The following BBX variants were observed in gnomAD, a reference collection of about 807,000 sequenced individuals.
BBX encodes the protein HMG box transcription factor BBX.
Under a neutral mutation model 100.2 loss-of-function variants are expected in BBX, and 30 were observed. That is an observed-to-expected ratio of 0.30 (90% CI 0.22 to 0.41). The LOEUF is 0.41. Among genes scored for constraint, BBX ranks in the 10% least tolerant of loss-of-function variants. The pLI, the probability that BBX is intolerant of heterozygous loss-of-function variation, is 1.00. For missense variants in BBX, 1,023 were observed against 1,129.8 expected (o/e 0.91, Z 1.35); for synonymous variants, 376 against 388.1 (o/e 0.97, Z 0.37).
chr3:107,595,735 T>C (rs1291810288), intron 2 of BBX, among the ~76,000 whole-genome samples: 1 of 152,180 alleles, frequency 6.6e-6, no homozygotes, highest in Non-Finnish European at 1.5e-5. Context: ...CTATCAGTGA[T>C]CCAGAATGCA....
chr3:107,528,511 A>T (rs1256335602), intron 2 of BBX, among the ~76,000 whole-genome samples: 3 of 152,154 alleles, frequency 2.0e-5, no homozygotes, highest in Non-Finnish European at 2.9e-5. Context: ...CTTCGTATCC[A>T]TTTTTTTGTT....
At chr3:107,595,592 C>T (rs560216033) in intron 2 of BBX, among the ~76,000 whole-genome samples, 4 of 152,166 alleles carry the variant, frequency 2.6e-5, no homozygotes, top group African/African-American at 7.2e-5. Context: ...GATTTGACAC[C>T]GAAATGAATG....
chr3:107,644,387 T>G (rs1296543785), intron 2 of BBX, among the ~76,000 whole-genome samples: 1 of 152,178 alleles, frequency 6.6e-6, no homozygotes, highest in Non-Finnish European at 1.5e-5. Context: ...TATACCAGTT[T>G]ATTTACTTGA....
chr3:107,598,071 T>C (rs2053790517), intron 2 of BBX, among the ~76,000 whole-genome samples: 1 of 152,218 alleles, frequency 6.6e-6, no homozygotes. Context: ...TTACTACCTG[T>C]GTGCCTGCAT....
intron 3 of BBX, among the ~76,000 whole-genome samples, chr3:107,705,691 A>G (rs1420113973): frequency 1.3e-5 from 2 of 152,178 alleles, no homozygotes; most frequent in African/African-American, 2.4e-5. Flanking sequence ...TCCCAGTCTA[A>G]AAAGCTTGTT....
intron 5 of BBX, among the ~76,000 whole-genome samples, chr3:107,726,137 CAG>C (rs972931081): frequency 6.6e-6 from 1 of 151,992 alleles, no homozygotes; most frequent in African/African-American, 2.4e-5. Context: ...GAGGAGTATA[CAG>C]AGTCTTCCCC....
intron 3 of BBX, among the ~76,000 whole-genome samples, chr3:107,658,714 CTTTG>C (rs1368728992): frequency 2.6e-5 from 4 of 151,662 alleles, no homozygotes; most frequent in Non-Finnish European, 4.4e-5. Context: ...GTGCTAATTT[CTTTG>C]TTTGTGTGTG....
chr3:107,721,296 T>C (rs1231344082), intron 5 of BBX, among the ~76,000 whole-genome samples: 1 of 152,098 alleles, frequency 6.6e-6, no homozygotes, highest in Non-Finnish European at 1.5e-5. Context: ...GTTTTGTCTA[T>C]ATAGTAATTC....
chr3:107,610,290 T>G (rs2054745694), intron 2 of BBX, among the ~76,000 whole-genome samples: 1 of 152,062 alleles, frequency 6.6e-6, no homozygotes, highest in Non-Finnish European at 1.5e-5. Context: ...GGTTTATTTT[T>G]TAGAATGATC....
intron 2 of BBX, among the ~76,000 whole-genome samples, chr3:107,550,780 AGAT>A (rs1478732365): frequency 1.3e-5 from 2 of 152,204 alleles, no homozygotes; most frequent in Non-Finnish European, 2.9e-5. Context: ...CAGGAGCCTC[AGAT>A]GAGGAGACTA....
chr3:107,765,811 T>A (rs568926292), intron 10 of BBX, among the ~76,000 whole-genome samples: 1 of 152,282 alleles, frequency 6.6e-6, no homozygotes, highest in South Asian at 2.1e-4. Context: ...TTTGCTTACA[T>A]CCAAGAGTGA....
chr3:107,678,405 G>C (rs1004339576), intron 3 of BBX, among the ~76,000 whole-genome samples: 1 of 151,846 alleles, frequency 6.6e-6, no homozygotes, highest in African/African-American at 2.4e-5. Flanking sequence ...ACTTTTTTTG[G>C]TTACATGAGT....
Position 107,733,031 on chromosome 3 carries a change from A to C in BBX, c.669+8A>C. The C allele has an allele frequency of 1.2e-6, 2 of 1,611,682 alleles. No homozygotes were observed. Among genetic ancestry groups the C allele is most frequent in the South Asian group, 2.2e-5 (2 of 90,708 alleles). Reference sequence around the variant, plus strand: ...GCTCTTGGCACACCAGAGGTAAGCCAGTCCTTTTCCGTCTCCACTCTGCTC... The same window carrying C: ...GCTCTTGGCACACCAGAGGTAAGCCCGTCCTTTTCCGTCTCCACTCTGCTC... On this transcript the variant is annotated splice_region_variant and intron_variant, in intron 7 of 17. Transcript: ENST00000325805.
chr3:107,672,485 G>A (rs1195454765), intron 3 of BBX, among the ~76,000 whole-genome samples: 1 of 152,008 alleles, frequency 6.6e-6, no homozygotes, highest in East Asian at 1.9e-4. Flanking sequence ...TAGAAAGTGT[G>A]TATTTTTGAA....
At chr3:107,684,128 G>A (rs1159926432) in intron 3 of BBX, among the ~76,000 whole-genome samples, 1 of 152,126 alleles carries the variant, frequency 6.6e-6, no homozygotes, top group South Asian at 2.1e-4. Context: ...ATTCCCTTCA[G>A]CAATACCTAT....
intron 2 of BBX, among the ~76,000 whole-genome samples, chr3:107,636,747 T>C (rs1196704971): frequency 1.3e-4 from 20 of 152,200 alleles, no homozygotes; most frequent in Non-Finnish European, 1.5e-5. Flanking sequence ...TATTTTGAAT[T>C]GGCTTAATCT....
At position 107,808,489 on chromosome 3, in the gene BBX, T is replaced by G. The variant is rs189862821; in HGVS notation, c.*3032T>G. 20 of 152,340 alleles carry G rather than the reference T, an allele frequency of 1.3e-4. No homozygotes were observed. The highest frequency in any genetic ancestry group is 4.3e-4 in the African/African-American group (18 of 41,594). The allele number at this position is 152,340 out of a possible 1,614,324, so 9.4% of individuals were successfully genotyped here. A position where few individuals can be genotyped will look rare whatever the true frequency, so the allele number is the denominator to read the frequency against. ...GTCTCAGATGGAGACGCAGTACTGT[T>G]CCAGTTTTCTTTAGCCTTTTATTTA... On this transcript the variant is annotated 3_prime_UTR_variant, in exon 18 of 18. Transcript: ENST00000325805.
intron 3 of BBX, among the ~76,000 whole-genome samples, chr3:107,704,802 CAAAACACTATGATA>C (rs1328567038): frequency 5.3e-5 from 8 of 152,052 alleles, no homozygotes; most frequent in African/African-American, 1.7e-4. Context: ...GGGGAGTTGT[CAAAACACTATGATA>C]AGTGCTTGAC....
chr3:107,627,922 T>G (rs2056301620), intron 2 of BBX, among the ~76,000 whole-genome samples: 1 of 152,024 alleles, frequency 6.6e-6, no homozygotes, highest in Admixed American at 6.5e-5. Context: ...TTCAATGAGT[T>G]TTTTTCTCAC....
Sources: allele counts gnomAD v4.1 joint callset (sites outside exome capture counted in the v4.1 genomes callset), GRCh38; gene constraint gnomAD v4.1.1; transcripts MANE v1.5; gene names NCBI Gene and HGNC (gene_info 2026-07-23, HGNC 2026-07-21).